The following LRRC7 variants were observed in gnomAD, a reference collection of about 807,000 sequenced individuals.
The protein encoded by LRRC7 is leucine-rich repeat-containing protein 7.
A neutral mutation model predicts 175.7 loss-of-function variants in LRRC7; 23 were observed. The observed-to-expected ratio is 0.13, with a 90% confidence interval of 0.09 to 0.19. The LOEUF is 0.19. LRRC7 is among the 10% of genes least tolerant of loss of function. The probability of loss-of-function intolerance (pLI) is 1.00; values close to 1 mark genes in which losing one functional copy is unlikely to be tolerated. For missense variants in LRRC7, 1,354 were observed against 1,904.7 expected, an observed-to-expected ratio of 0.71 and a Z score of 5.38; for synonymous variants, 685 against 680.9, an observed-to-expected ratio of 1.01 and a Z score of -0.09.
chr1:70,048,151 A>G (rs1660478485), intron 22 of LRRC7, among the ~76,000 whole-genome samples: 1 of 152,112 alleles, frequency 6.6e-6, no homozygotes, highest in Non-Finnish European at 1.5e-5. Context: ...GAGAAATACA[A>G]ATTGTAAAAT....
rs1307474243 is a variant in LRRC7 at position 70,030,677 on chromosome 1, GATATATTTATTC to G, written c.1995+2309_1995+2320del. Among the ~76,000 whole-genome samples the G allele has an allele frequency of 2.0e-5, 3 of 152,030 alleles. 1 individual carries two copies. In the East Asian group the frequency reaches 5.8e-4, roughly 29 times the overall value. ...TGGAAGAGGGTATTATACACTGCAT[GATATATTTATTC>G]ATGTGATTAAATATAGAAAACCCCC... On this transcript the variant is annotated intron_variant, in intron 18 of 26. Transcript: ENST00000651989.
chr1:69,916,982 A>C (rs1420230849), intron 7 of LRRC7, among the ~76,000 whole-genome samples: 2 of 152,172 alleles, frequency 1.3e-5, no homozygotes, highest in Non-Finnish European at 2.9e-5. Context: ...GGCTATGAGA[A>C]GATTTACAGG....
chr1:69,619,208 G>T (rs1650166719), intron 1 of LRRC7, among the ~76,000 whole-genome samples: 1 of 152,176 alleles, frequency 6.6e-6, no homozygotes, highest in Admixed American at 6.5e-5. Flanking sequence ...CTGAAATGGA[G>T]TGCTCTGCAA....
chr1:69,725,329 G>A (rs983441697), intron 2 of LRRC7, among the ~76,000 whole-genome samples: 1 of 152,028 alleles, frequency 6.6e-6, no homozygotes, highest in Non-Finnish European at 1.5e-5. Context: ...ACGTTTAAGT[G>A]GGCCCGTACA....
intron 7 of LRRC7, among the ~76,000 whole-genome samples, chr1:69,843,336 T>G (rs150730442): frequency 6.6e-6 from 1 of 152,260 alleles, no homozygotes; most frequent in African/African-American, 2.4e-5. Context: ...AGAAGATTTT[T>G]TTAAGAAGAG....
At chr1:69,870,502 A>G (rs114060259) in intron 7 of LRRC7, among the ~76,000 whole-genome samples, 211 of 152,212 alleles carry the variant, frequency 1.4e-3, no homozygotes, top group African/African-American at 5.0e-3. Flanking sequence ...AAATAGGTGT[A>G]TAGGGACAAA....
rs1042901855 is a variant in LRRC7, at chr1:70,038,855, G to A, written c.3031G>A (p.Asp1011Asn). ...ATTAGAAAACTATGCTTCTGGGAGT[G>A]ATCACTTAGGAAGCCACGAACGACC... is the stretch of plus-strand genomic sequence containing the variant. ...IPLENYASGS[D>N]HLGSHERPDK... Residue 1011 changes from aspartate to asparagine, a missense_variant, in exon 21 of 27, where the codon GAT becomes AAT. Asp to Asn is a conservative substitution (Grantham distance 23, BLOSUM62 1). Around this residue, in one of 4 missense-constraint regions of LRRC7, gnomAD observed 1,032 missense variants for 1,227.2 expected, o/e 0.84. Coordinates refer to ENST00000651989, the MANE Select transcript of LRRC7 (RefSeq NM_001370785.2). 1 of 1,613,982 alleles carries A rather than the reference G, an allele frequency of 6.2e-7. No homozygotes were observed. The highest frequency in any genetic ancestry group is 8.5e-7 in the Non-Finnish European group (1 of 1,180,006).
In LRRC7 at chr1:70,144,148, C is replaced by T. The variant is rs1445115562; in HGVS notation, c.*22261C>T. The T allele has an allele frequency of 6.6e-6, 1 of 152,128 alleles. No individual in the cohort carries two copies. The highest frequency in any genetic ancestry group is 1.5e-5 in the Non-Finnish European group (1 of 68,030). The allele number at this position is 152,128 out of a possible 1,614,324, so 9.4% of individuals were successfully genotyped here. A position where few individuals can be genotyped will look rare whatever the true frequency, so the allele number is the denominator to read the frequency against. On this transcript the variant is annotated 3_prime_UTR_variant, in exon 27 of 27. Transcript: ENST00000651989. ...TCTCCAGTTTTATTTTATGTACTGA[C>T]ACTAATTGGTAAAGGTGTACAATGT...
intron 1 of LRRC7, among the ~76,000 whole-genome samples, chr1:69,595,411 T>C (rs1025439300): frequency 6.6e-6 from 1 of 152,046 alleles, no homozygotes; most frequent in Admixed American, 6.6e-5. Context: ...AGAGACTCCA[T>C]CTCAAAAAAC....
At chr1:69,863,470 A>G (rs1684580882) in intron 7 of LRRC7, among the ~76,000 whole-genome samples, 1 of 152,194 alleles carries the variant, frequency 6.6e-6, no homozygotes, top group African/African-American at 2.4e-5. Context: ...CATGGTATGC[A>G]TTAATAGGTT....
intron 4 of LRRC7, among the ~76,000 whole-genome samples, chr1:69,819,183 A>G (rs1165647729): frequency 6.6e-6 from 1 of 151,814 alleles, no homozygotes; most frequent in African/African-American, 2.4e-5. Context: ...TTTGTTCTTA[A>G]TTTGGCATTT....
At chr1:69,916,052 T>TA (rs1646678776) in intron 7 of LRRC7, among the ~76,000 whole-genome samples, 1 of 4,214 alleles carries the variant, frequency 2.4e-4, no homozygotes, top group Non-Finnish European at 1.1e-3. Context: ...ATATATATAT[T>TA]TTATATGTAT....
chr1:70,088,317 G>A (rs1188103165), intron 24 of LRRC7, among the ~76,000 whole-genome samples: 1 of 152,128 alleles, frequency 6.6e-6, no homozygotes, highest in Non-Finnish European at 1.5e-5. Flanking sequence ...AGTGCTTTGG[G>A]AGGCCAAGGT....
chr1:69,773,606 C>G (rs947872509), intron 3 of LRRC7, among the ~76,000 whole-genome samples: 1 of 152,094 alleles, frequency 6.6e-6, no homozygotes, highest in African/African-American at 2.4e-5. Flanking sequence ...AAACAGATAT[C>G]AAAGGCAAGT....
intron 2 of LRRC7, among the ~76,000 whole-genome samples, chr1:69,722,841 A>G (rs1032132273): frequency 2.0e-5 from 3 of 152,082 alleles, no homozygotes; most frequent in African/African-American, 7.2e-5. Context: ...TATGCAATAT[A>G]TACCATATAT....
chr1:69,834,757 C>T, intron 5 of LRRC7, 23 bp from the exon 6 acceptor site: 1 of 1,583,458 alleles, frequency 6.3e-7, no homozygotes, highest in Non-Finnish European at 8.7e-7. Flanking sequence ...AATGCAGTGA[C>T]TAAAACTTTA....
intron 2 of LRRC7, among the ~76,000 whole-genome samples, chr1:69,679,674 A>T (rs927125901): frequency 6.6e-6 from 1 of 152,118 alleles, no homozygotes; most frequent in African/African-American, 2.4e-5. Flanking sequence ...TTATAGAAAC[A>T]CTTCGGGGTT....
At chr1:69,995,794 A>G (rs1384721272) in intron 11 of LRRC7, among the ~76,000 whole-genome samples, 2 of 151,858 alleles carry the variant, frequency 1.3e-5, no homozygotes, top group African/African-American at 4.8e-5. Flanking sequence ...TTCTTAATCC[A>G]GTCTATCATT....
At position 70,039,345 on chromosome 1, in the gene LRRC7, A is replaced by G. The variant is rs948785346; in HGVS notation, c.3521A>G (p.Glu1174Gly). Residue 1174 changes from glutamate (E) to glycine (G), a missense_variant, in exon 21 of 27, where the codon GAG (glutamate) becomes GGG (glycine). By Grantham distance (98) the Glu-to-Gly change is moderately conservative (BLOSUM62 -2). Transcript: ENST00000651989. ...TTTAGAAGGGTCAATGAGCCTCATG[A>G]GCTGCCCCCAACTGATAGGTACGGC... ...AMFRRVNEPH[E>G]LPPTDRYGRP... 8 of 1,614,068 alleles carry G rather than the reference A, an allele frequency of 5.0e-6. No individual in the cohort carries two copies. The highest frequency in any genetic ancestry group is 1.3e-5 in the African/African-American group (1 of 75,054).
Sources: allele counts gnomAD v4.1 joint callset (sites outside exome capture counted in the v4.1 genomes callset), GRCh38; gene constraint gnomAD v4.1.1; regional missense constraint gnomAD v4.1.1; transcripts MANE v1.5; gene names NCBI Gene and HGNC (gene_info 2026-07-23, HGNC 2026-07-21).